Variants in AGO2 observed in about 807,000 individuals in gnomAD.
AGO2 encodes protein argonaute-2.
A neutral mutation model predicts 102.3 loss-of-function variants in AGO2; 5 were observed. The ratio of observed to expected loss-of-function variants is 0.05; its 90% CI spans 0.03 to 0.10. The LOEUF (loss-of-function observed/expected upper bound fraction) is 0.10, where lower values mean the gene tolerates loss of function less well. Among genes scored for constraint, AGO2 ranks in the 10% least tolerant of loss-of-function variants. The pLI, the probability that AGO2 is intolerant of heterozygous loss-of-function variation, is 1.00. For missense variants in AGO2, 541 were observed against 1,183.7 expected (o/e 0.46, Z 7.97); for synonymous variants, 449 against 473.1 (o/e 0.95, Z 0.66).
intron 4 of AGO2, among the ~76,000 whole-genome samples, chr8:140,561,884 T>C (rs2073207278): frequency 6.6e-6 from 1 of 152,230 alleles, no homozygotes; most frequent in African/African-American, 2.4e-5. Context: ...CGCGCTGAGC[T>C]GGCCTTGCTC....
At chr8:140,619,170 C>T (rs1403392481) in intron 1 of AGO2, among the ~76,000 whole-genome samples, 1 of 152,178 alleles carries the variant, frequency 6.6e-6, no homozygotes, top group Non-Finnish European at 1.5e-5. Flanking sequence ...ACAGTGTATA[C>T]AAGACACAGC....
rs779963012 is a variant in AGO2, at chr8:140,547,456, G to A, written c.1748+12C>T. ...CTGGTCCGCAGGCGGAGGTAAAGGGGCCGGGCCTCACCTGCCCTGGGGCAG... is the reference window on the plus strand; with the variant it reads ...CTGGTCCGCAGGCGGAGGTAAAGGGACCGGGCCTCACCTGCCCTGGGGCAG... On this transcript the variant is annotated intron_variant, in intron 13 of 18. Coordinates refer to ENST00000220592, the MANE Select transcript of AGO2 (RefSeq NM_012154.5). The A allele has an allele frequency of 1.2e-6, 2 of 1,612,542 alleles. No individual in the cohort carries two copies. Among genetic ancestry groups the A allele is most frequent in the Admixed American group, 3.3e-5 (2 of 59,924 alleles).
intron 6 of AGO2, among the ~76,000 whole-genome samples, chr8:140,559,081 A>G (rs2073152816): frequency 6.6e-6 from 1 of 152,102 alleles, no homozygotes; most frequent in South Asian, 2.1e-4. Flanking sequence ...AAGAAAACGC[A>G]TCCTAGGTTC....
At chr8:140,616,730 C>A (rs1044682088) in intron 1 of AGO2, among the ~76,000 whole-genome samples, 2 of 152,222 alleles carry the variant, frequency 1.3e-5, no homozygotes, top group Admixed American at 6.5e-5. Flanking sequence ...CCTAGAACTG[C>A]CCAATACCAG....
At chr8:140,574,462 T>A (rs2073434651) in intron 2 of AGO2, among the ~76,000 whole-genome samples, 1 of 152,058 alleles carries the variant, frequency 6.6e-6, no homozygotes, top group Admixed American at 6.5e-5. Flanking sequence ...GGGGCCTCCC[T>A]TATGTTGCTC....
At chr8:140,625,250 C>T (rs569917447) in intron 1 of AGO2, among the ~76,000 whole-genome samples, 11 of 152,304 alleles carry the variant, frequency 7.2e-5, no homozygotes, top group South Asian at 4.1e-4. Flanking sequence ...GAATTACAGG[C>T]GCCTGCCACC....
chr8:140,563,742 C>T (rs1301773007), intron 3 of AGO2, among the ~76,000 whole-genome samples: 1 of 152,134 alleles, frequency 6.6e-6, no homozygotes, highest in Non-Finnish European at 1.5e-5. Flanking sequence ...CCTGAGGTGC[C>T]CTCCCTGATT....
chr8:140,570,291 T>A (rs1329997059), intron 3 of AGO2, among the ~76,000 whole-genome samples: 1 of 152,232 alleles, frequency 6.6e-6, no homozygotes, highest in African/African-American at 2.4e-5. Flanking sequence ...AATGGTGTGA[T>A]CTTGGCTCAC....
chr8:140,546,943 G>T (rs201449625), intron 13 of AGO2, among the ~76,000 whole-genome samples: 1 of 152,112 alleles, frequency 6.6e-6, no homozygotes, highest in African/African-American at 2.4e-5. Flanking sequence ...CCCAACCCCC[G>T]TCCCCGGCGG....
chr8:140,577,237 C>G (rs2132988695), intron 2 of AGO2, among the ~76,000 whole-genome samples: 1 of 135,030 alleles, frequency 7.4e-6, no homozygotes, highest in African/African-American at 2.7e-5. Context: ...AAGAAACATG[C>G]CTGGGGAACG....
chr8:140,601,092 C>T (rs1025217305), intron 1 of AGO2, among the ~76,000 whole-genome samples: 4 of 151,696 alleles, frequency 2.6e-5, no homozygotes, highest in African/African-American at 9.6e-5. Context: ...CCAGGAAGGG[C>T]GACTGGGTCA....
chr8:140,565,658 GAA>G (rs2073272705), intron 3 of AGO2, among the ~76,000 whole-genome samples: 1 of 150,976 alleles, frequency 6.6e-6, no homozygotes, highest in African/African-American at 2.4e-5. Context: ...AAAAAAAGAA[GAA>G]GAAGAAGAAT....
At chr8:140,553,402 T>TAG in intron 10 of AGO2, among the ~76,000 whole-genome samples, 1 of 116,594 alleles carries the variant, frequency 8.6e-6, no homozygotes, top group African/African-American at 4.1e-5. Flanking sequence ...TACAAGTTTT[T>TAG]TGTTTTTTGT....
chr8:140,634,133 G>GA (rs1212630041), intron 1 of AGO2, among the ~76,000 whole-genome samples: 1 of 152,220 alleles, frequency 6.6e-6, no homozygotes, highest in Non-Finnish European at 1.5e-5. Context: ...GGTGGAGGGG[G>GA]AAAATCATTC....
intron 16 of AGO2, among the ~76,000 whole-genome samples, chr8:140,536,224 C>T (rs577737559): frequency 3.8e-4 from 58 of 152,252 alleles, no homozygotes; most frequent in Admixed American, 2.6e-4. Flanking sequence ...CCCCACAAGC[C>T]CTGCTCCAGC....
At chr8:140,550,010 CG>C (rs2132907462) in intron 11 of AGO2, among the ~76,000 whole-genome samples, 1 of 152,338 alleles carries the variant, frequency 6.6e-6, no homozygotes, top group South Asian at 2.1e-4. Context: ...TCAAGAAACA[CG>C]TGTGTGTCCA....
At position 140,520,899 on chromosome 8, in the gene AGO2, G is replaced by C. The variant is rs1337955186; in HGVS notation, c.*11145C>G. ...TATTCTAATATAGGGCAACCTTCGA[G>C]CCAGATATTGCAGCAATTTTTTTAA... On this transcript the variant is annotated 3_prime_UTR_variant, in exon 19 of 19. Coordinates refer to ENST00000220592, the MANE Select transcript of AGO2 (RefSeq NM_012154.5). 2.0e-5 allele frequency: 3 copies of C among 152,184 alleles called. No individual in the cohort carries two copies. Among genetic ancestry groups the C allele is most frequent in the African/African-American group, 7.2e-5 (3 of 41,506 alleles). The allele number at this position is 152,184 out of a possible 1,614,324, so 9.4% of individuals were successfully genotyped here.
In AGO2 at chr8:140,526,733, G is replaced by A. The variant is rs985068641; in HGVS notation, c.*5311C>T. ...TGGCTAAGCCAATACATTCACTTTA[G>A]ACAATAACATGGCAAAACATACTGA... On this transcript the variant is annotated 3_prime_UTR_variant, in exon 19 of 19. Transcript: ENST00000220592. The surrounding 1 kb of genome is among the most constrained non-coding windows in gnomAD (Gnocchi z 5.2). 2.0e-5 allele frequency: 3 copies of A among 152,122 alleles called. No individual in the cohort carries two copies. Among genetic ancestry groups the A allele is most frequent in the Non-Finnish European group, 4.4e-5 (3 of 68,038 alleles). The allele number at this position is 152,122 out of a possible 1,614,324, so 9.4% of individuals were successfully genotyped here. A position where few individuals can be genotyped will look rare whatever the true frequency, so the allele number is the denominator to read the frequency against.
At chr8:140,577,712 G>A (rs951215295) in intron 2 of AGO2, among the ~76,000 whole-genome samples, 2 of 152,104 alleles carry the variant, frequency 1.3e-5, no homozygotes, top group Non-Finnish European at 2.9e-5. Flanking sequence ...GAGACAGAGG[G>A]CAGGACACAC....
Sources: allele counts gnomAD v4.1 joint callset (sites outside exome capture counted in the v4.1 genomes callset), GRCh38; gene constraint gnomAD v4.1.1; non-coding constraint Gnocchi (gnomAD v3.1); transcripts MANE v1.5; gene names NCBI Gene and HGNC (gene_info 2026-07-23, HGNC 2026-07-21).